SCIN: variants seen among roughly 807,000 people sequenced by gnomAD.
The protein encoded by SCIN is adseverin.
A neutral mutation model predicts 91.8 loss-of-function variants in SCIN; 91 were observed. The observed-to-expected ratio is 0.99, with a 90% CI of 0.84 to 1.18. The LOEUF (loss-of-function observed/expected upper bound fraction) is 1.18. Among genes scored for constraint, SCIN ranks in the 50% most tolerant of loss-of-function variants. The pLI is 0.00. For missense variants in SCIN, 1,087 were observed against 863.9 expected (o/e 1.26, Z -3.24); for synonymous variants, 367 against 312.6 (o/e 1.17, Z -1.84).
intron 1 of SCIN, among the ~76,000 whole-genome samples, chr7:12,572,595 C>T (rs775352308): frequency 6.6e-6 from 1 of 152,172 alleles, no homozygotes; most frequent in East Asian, 1.9e-4. Context: ...GATTTGAACA[C>T]AATTCTTTAA....
At position 12,651,803 on chromosome 7, in the gene SCIN, C is replaced by T. The variant is rs762565295; in HGVS notation, c.1960-38C>T. ...TAGGGCCTAGCACTGAGTCAACATC[C>T]CAGAAATCATACATATTGTTATTGT... On this transcript the variant is annotated intron_variant, in intron 14 of 15. Coordinates refer to ENST00000297029, the MANE Select transcript of SCIN (RefSeq NM_001112706.3). This position sits in a 1 kb window ranked among gnomAD's most constrained non-coding sequence, Gnocchi z 5.9. The T allele has an allele frequency of 1.5e-6, 2 of 1,358,578 alleles. No homozygotes were observed. Among genetic ancestry groups the T allele is most frequent in the African/African-American group, 2.9e-5 (2 of 69,530 alleles). 84.2% of individuals were successfully genotyped at this position (1,358,578 alleles called of 1,614,324 possible). A position where few individuals can be genotyped will look rare whatever the true frequency, so the allele number is the denominator to read the frequency against.
At chr7:12,600,912 A>G (rs752465720) in intron 3 of SCIN, among the ~76,000 whole-genome samples, 3 of 151,980 alleles carry the variant, frequency 2.0e-5, no homozygotes, top group Non-Finnish European at 4.4e-5. Context: ...CTTTATTTTT[A>G]CTCTTTGTAA....
At chr7:12,608,307 A>G (rs1284176945) in intron 4 of SCIN, among the ~76,000 whole-genome samples, 1 of 117,872 alleles carries the variant, frequency 8.5e-6, no homozygotes, top group Non-Finnish European at 1.7e-5. Flanking sequence ...AGTCTATACT[A>G]TGCATGCACA....
chr7:12,594,055 G>T (rs1782784852), intron 3 of SCIN, among the ~76,000 whole-genome samples: 1 of 152,148 alleles, frequency 6.6e-6, no homozygotes, highest in African/African-American at 2.4e-5. Context: ...GGACATGGAC[G>T]ATCCCCTCAA....
chr7:12,577,821 A>G (rs1782406291), intron 1 of SCIN: 1 of 469,280 alleles, frequency 2.1e-6, no homozygotes, highest in South Asian at 2.5e-5. Flanking sequence ...ATGCCATTGC[A>G]TTCCAGGCTT....
intron 3 of SCIN, among the ~76,000 whole-genome samples, chr7:12,585,336 C>T (rs758270343): frequency 2.0e-5 from 3 of 152,170 alleles, no homozygotes; most frequent in Admixed American, 6.5e-5. Context: ...TTTTCTCCCT[C>T]TCAGGCCACT....
chr7:12,652,066 G>C (rs1337321357), intron 15 of SCIN, among the ~76,000 whole-genome samples, 165 bp downstream of exon 15: 2 of 152,130 alleles, frequency 1.3e-5, no homozygotes, highest in African/African-American at 4.8e-5. Flanking sequence ...TTGAACTGGA[G>C]AATTTCCAAA....
Position 12,617,274 on chromosome 7 carries a change from G to T in SCIN, c.667-5527G>T, listed in dbSNP as rs185443388. On this transcript the variant is annotated intron_variant, in intron 4 of 15. Coordinates refer to ENST00000297029, the MANE Select transcript of SCIN (RefSeq NM_001112706.3). Reference sequence around the variant, plus strand: ...ATGCTAGTCATAGTAATAATCACATGATAATTGAGCCATATTATTTATTAT... The same window carrying T: ...ATGCTAGTCATAGTAATAATCACATTATAATTGAGCCATATTATTTATTAT... 8.5e-4 allele frequency among the ~76,000 whole-genome samples: 129 copies of T among 152,178 alleles called. 2 individuals carry two copies. Among genetic ancestry groups the T allele is most frequent in the African/African-American group, 2.9e-3 (121 of 41,532 alleles).
intron 3 of SCIN, among the ~76,000 whole-genome samples, chr7:12,597,921 T>G (rs1439384664): frequency 6.6e-6 from 1 of 152,222 alleles, no homozygotes; most frequent in Non-Finnish European, 1.5e-5. Context: ...TTAAGTGGAT[T>G]TCATTCCAAA....
At position 12,657,580 on chromosome 7, in the gene SCIN, T is replaced by A. The variant is rs1270687104; in HGVS notation, c.*4865T>A. ...TATATATATATATATATATTTTTTT[T>A]TTTTTTTTTTTTTTTTTTGCATTGG... On this transcript the variant is annotated 3_prime_UTR_variant, in exon 16 of 16. Coordinates refer to ENST00000297029, the MANE Select transcript of SCIN (RefSeq NM_001112706.3). 65 of 66,848 alleles carry A rather than the reference T, an allele frequency of 9.7e-4. No individual in the cohort carries two copies. The highest frequency in any genetic ancestry group is 1.2e-3 in the Non-Finnish European group (40 of 33,924). The allele number at this position is 66,848 out of a possible 1,614,324, so 4.1% of individuals were successfully genotyped here. A position where few individuals can be genotyped will look rare whatever the true frequency, so the allele number is the denominator to read the frequency against.
intron 13 of SCIN, among the ~76,000 whole-genome samples, chr7:12,645,943 G>GGGCAGCAA (rs1164931823): frequency 6.6e-6 from 1 of 152,054 alleles, no homozygotes; most frequent in Non-Finnish European, 1.5e-5. Flanking sequence ...CATTTTCTGT[G>GGGCAGCAA]GGCAGCAATC....
At chr7:12,607,714 C>A (rs1583295793) in intron 4 of SCIN, among the ~76,000 whole-genome samples, 1 of 152,222 alleles carries the variant, frequency 6.6e-6, no homozygotes, top group East Asian at 1.9e-4. Flanking sequence ...CAGTGAAAAC[C>A]TTTATTAGAT....
chr7:12,598,759 G>GTT (rs1326066314), intron 3 of SCIN, among the ~76,000 whole-genome samples: 2 of 151,950 alleles, frequency 1.3e-5, no homozygotes, highest in Non-Finnish European at 2.9e-5. Context: ...AACAAAAAAA[G>GTT]TTCGCTAGGC....
chr7:12,591,524 C>T (rs920288318), intron 3 of SCIN, among the ~76,000 whole-genome samples: 1 of 152,060 alleles, frequency 6.6e-6, no homozygotes, highest in African/African-American at 2.4e-5. Flanking sequence ...TATTCCTCAG[C>T]TTTCAGCAGT....
chr7:12,619,707 G>A (rs1157758087), intron 4 of SCIN, among the ~76,000 whole-genome samples: 12 of 152,112 alleles, frequency 7.9e-5, no homozygotes, highest in Non-Finnish European at 1.6e-4. Context: ...ACAGGTACAA[G>A]GTAGGGAATG....
chr7:12,598,724 G>A (rs1390392728), intron 3 of SCIN, among the ~76,000 whole-genome samples: 5 of 151,896 alleles, frequency 3.3e-5, no homozygotes, highest in African/African-American at 1.2e-4. Context: ...AAAACCCCAT[G>A]TCTACAAAAA....
intron 3 of SCIN, among the ~76,000 whole-genome samples, chr7:12,591,978 C>T (rs558516062): frequency 1.6e-4 from 24 of 152,120 alleles, no homozygotes; most frequent in Admixed American, 5.9e-4. Flanking sequence ...AGAAGAAGGT[C>T]GTCCACATAT....
chr7:12,652,652 A>G lies in SCIN; in HGVS notation c.2085A>G (p.Lys695=). ...AGAGGACACCAATTGTCATCATAAA[A>G]CAGGGCCATGAGCCACCCACATTCA... ...RDKRTPIVII[K]QGHEPPTFTG... is the part of the protein sequence containing the mutation. Residue 695 remains lysine, a synonymous_variant, in exon 16 of 16, where the codon AAA becomes AAG. Transcript: ENST00000297029. 6.2e-7 allele frequency: 1 copy of G among 1,611,440 alleles called. No homozygotes were observed. Among genetic ancestry groups the G allele is most frequent in the Non-Finnish European group, 8.5e-7 (1 of 1,179,184 alleles).
intron 4 of SCIN, among the ~76,000 whole-genome samples, chr7:12,610,140 CAT>C: frequency 6.6e-6 from 1 of 152,264 alleles, no homozygotes; most frequent in Non-Finnish European, 1.5e-5. Flanking sequence ...ATGATGTTAG[CAT>C]ATAGTCTAGA....
Sources: gnomAD v4.1 joint callset for allele counts (sites outside exome capture counted in the v4.1 genomes callset) on GRCh38, gnomAD v4.1.1 for gene constraint, Gnocchi (gnomAD v3.1) non-coding constraint, MANE v1.5 for transcripts, NCBI Gene and HGNC (gene_info 2026-07-23, HGNC 2026-07-21) for gene names.